SWT1: variants seen among roughly 807,000 people sequenced by gnomAD.
SWT1 encodes SWT1 RNA endoribonuclease homolog.
Under a neutral mutation model 107.3 loss-of-function variants are expected in SWT1, and 33 were observed. That is an observed-to-expected ratio of 0.31 (90% CI 0.23 to 0.41). The LOEUF is 0.41. SWT1 is among the 10% of genes least tolerant of loss of function. SWT1 has a pLI of 1.00. For synonymous variants in SWT1, 345 were observed against 348.3 expected (o/e 0.99, Z 0.11); for missense variants, 898 against 1,028.9 (o/e 0.87, Z 1.74).
intron 15 of SWT1, chr1:185,226,739 T>C: frequency 2.0e-6 from 1 of 492,884 alleles, no homozygotes; most frequent in South Asian, 6.0e-5. Flanking sequence ...AGACTTTTTT[T>C]TTTTTTTTTG....
intron 16 of SWT1, among the ~76,000 whole-genome samples, chr1:185,269,238 G>A (rs974717905): frequency 6.6e-6 from 1 of 152,092 alleles, no homozygotes; most frequent in African/African-American, 2.4e-5. Context: ...AACTTATCTA[G>A]ATAGCTTTGT....
chr1:185,250,944 T>C (rs193295042), intron 16 of SWT1, among the ~76,000 whole-genome samples: 1 of 152,224 alleles, frequency 6.6e-6, no homozygotes, highest in Non-Finnish European at 1.5e-5. Context: ...ATTACAGGTA[T>C]GAGCCACTGC....
rs1571391439 is a variant in SWT1, at chr1:185,166,027, TC to T, written c.85-543del. 2.0e-5 allele frequency among the ~76,000 whole-genome samples: 3 copies of T among 152,318 alleles called. No individual in the cohort carries two copies. In the East Asian group the frequency reaches 5.8e-4, roughly 29 times the overall value. On this transcript the variant is annotated intron_variant, in intron 2 of 18. Coordinates refer to ENST00000367500, the MANE Select transcript of SWT1 (RefSeq NM_017673.7). ...TTACTGACTCCCAGCCCTTCCTGTTTCCTTTCTCTGCTTTATTTTTTTCCAC... is the reference window on the plus strand; with the variant it reads ...TTACTGACTCCCAGCCCTTCCTGTTTCTTTCTCTGCTTTATTTTTTTCCAC...
At chr1:185,227,618 T>C (rs1246715761) in intron 15 of SWT1, 2 of 529,786 alleles carry the variant, frequency 3.8e-6, no homozygotes, top group East Asian at 4.6e-5. Context: ...ATAGTAATCA[T>C]TTTTACCTTC....
At chr1:185,176,741 T>C (rs1655592715) in intron 5 of SWT1, 1 of 936,860 alleles carries the variant, frequency 1.1e-6, no homozygotes. Flanking sequence ...TCCCAGCACT[T>C]TGGGAGGCCG....
In SWT1 at chr1:185,187,030, C is replaced by T. The variant is rs1330002742; in HGVS notation, c.1429+2099C>T. The stretch of plus-strand genomic sequence containing the variant: ...TTGGCCTCCCAAAGTGCTAAGATTA[C>T]AGGCGTGAGCCACCGCGCCCAGCTT... On this transcript the variant is annotated intron_variant, in intron 9 of 18. Coordinates refer to ENST00000367500, the MANE Select transcript of SWT1 (RefSeq NM_017673.7). Among the ~76,000 whole-genome samples the T allele has an allele frequency of 2.2e-5, 3 of 138,126 alleles. No homozygotes were observed. The East Asian group carries it at 6.5e-4, about 30-fold the overall frequency. The allele number at this position is 138,126 out of a possible 152,430, so 90.6% of individuals were successfully genotyped here. A position where few individuals can be genotyped will look rare whatever the true frequency, so the allele number is the denominator to read the frequency against.
At chr1:185,175,785 TA>T (rs1231573973) in intron 5 of SWT1, among the ~76,000 whole-genome samples, 2 of 152,224 alleles carry the variant, frequency 1.3e-5, no homozygotes, top group Non-Finnish European at 2.9e-5. Context: ...TTAAACAGTT[TA>T]TTTTTTTCAG....
At chr1:185,278,015 G>C (rs189032298) in intron 18 of SWT1, among the ~76,000 whole-genome samples, 1 of 151,206 alleles carries the variant, frequency 6.6e-6, no homozygotes, top group African/African-American at 2.4e-5. Context: ...TTTGAGGCAG[G>C]GTCTCACTAT....
intron 16 of SWT1, among the ~76,000 whole-genome samples, chr1:185,255,920 G>A (rs1410742215): frequency 1.3e-4 from 20 of 151,704 alleles, no homozygotes; most frequent in African/African-American, 3.4e-4. Flanking sequence ...GGCTGGTACC[G>A]GTTGTTCGTT....
chr1:185,161,771 G>C (rs1250159986), intron 2 of SWT1, among the ~76,000 whole-genome samples: 4 of 152,122 alleles, frequency 2.6e-5, no homozygotes, highest in Non-Finnish European at 5.9e-5. Flanking sequence ...GCTGGGTATT[G>C]TCTCCAGGAA....
At chr1:185,283,089 C>T (rs912758978) in intron 18 of SWT1, among the ~76,000 whole-genome samples, 16 of 152,148 alleles carry the variant, frequency 1.1e-4, no homozygotes, top group African/African-American at 3.9e-4. Flanking sequence ...AAACAGGAGC[C>T]TCTGTCCCCA....
Position 185,291,568 on chromosome 1 carries a change from G to T in SWT1, c.*765G>T, listed in dbSNP as rs1000202375. 6.6e-6 allele frequency: 1 copy of T among 152,610 alleles called. No individual in the cohort carries two copies. The highest frequency in any genetic ancestry group is 2.4e-5 in the African/African-American group (1 of 41,442). 9.5% of individuals were successfully genotyped at this position (152,610 alleles called of 1,614,324 possible). A position where few individuals can be genotyped will look rare whatever the true frequency, so the allele number is the denominator to read the frequency against. On this transcript the variant is annotated 3_prime_UTR_variant, in exon 19 of 19. Transcript: ENST00000367500. ...AGTTGACTTTTTAGTTATAGGATAA[G>T]TTGGAAGTCCTTGTTTACTGGAATA...
intron 5 of SWT1, among the ~76,000 whole-genome samples, chr1:185,175,691 ATG>A (rs539608518): frequency 5.0e-4 from 76 of 152,352 alleles, no homozygotes; most frequent in Admixed American, 8.5e-4. Context: ...ATGTGTAAAA[ATG>A]TGGTGAGAAG....
At chr1:185,162,857 G>T (rs961377030) in intron 2 of SWT1, among the ~76,000 whole-genome samples, 1 of 151,546 alleles carries the variant, frequency 6.6e-6, no homozygotes, top group Non-Finnish European at 1.5e-5. Context: ...AGGCTCAGGC[G>T]GGAGGATCCC....
At chr1:185,157,933 C>T (rs1484543819) in intron 1 of SWT1, among the ~76,000 whole-genome samples, 2 of 152,072 alleles carry the variant, frequency 1.3e-5, no homozygotes, top group Non-Finnish European at 2.9e-5. Context: ...GACATTCGAG[C>T]CTTTCTTGTT....
intron 16 of SWT1, among the ~76,000 whole-genome samples, chr1:185,268,953 C>T (rs1299695470): frequency 2.0e-5 from 3 of 150,862 alleles, no homozygotes; most frequent in African/African-American, 7.3e-5. Flanking sequence ...CCCGGGTTCA[C>T]GCCATTCTCC....
chr1:185,182,548 G>A (rs548342840), intron 7 of SWT1, among the ~76,000 whole-genome samples: 6 of 151,468 alleles, frequency 4.0e-5, no homozygotes, highest in African/African-American at 1.2e-4. Flanking sequence ...GCCTGTAGTC[G>A]CAGCTACTCA....
intron 5 of SWT1, chr1:185,177,092 A>G (rs2102357305): frequency 1.0e-6 from 1 of 966,998 alleles, no homozygotes; most frequent in Non-Finnish European, 1.2e-6. Flanking sequence ...TAGTATTTTT[A>G]GTTTAAGTGA....
At chr1:185,213,890 A>AT (rs967424351) in intron 13 of SWT1, among the ~76,000 whole-genome samples, 1 of 151,976 alleles carries the variant, frequency 6.6e-6, no homozygotes, top group Admixed American at 6.6e-5. Context: ...TTGTTTGTAG[A>AT]TTTTCTCACT....
Sources: allele counts gnomAD v4.1 joint callset (sites outside exome capture counted in the v4.1 genomes callset), GRCh38; gene constraint gnomAD v4.1.1; transcripts MANE v1.5; gene names NCBI Gene and HGNC (gene_info 2026-07-23, HGNC 2026-07-21).